MCF2L: variants seen among roughly 807,000 people sequenced by gnomAD.
MCF2L encodes guanine nucleotide exchange factor DBS.
In MCF2L, 97 loss-of-function variants were observed where a neutral mutation model predicts 153.4. That is an observed-to-expected ratio of 0.63 (90% confidence interval 0.54 to 0.75). The LOEUF is 0.75. MCF2L is among the 30% of genes least tolerant of loss of function. The pLI, the probability that MCF2L is intolerant of heterozygous loss-of-function variation, is 0.00. For synonymous variants in MCF2L, 659 were observed against 632.2 expected (o/e 1.04, Z -0.64); for missense variants, 1,347 against 1,495.2 (o/e 0.90, Z 1.64).
chr13:112,976,181 TGTGTGTGTGC>T (rs1429975199), intron 1 of MCF2L, among the ~76,000 whole-genome samples: 3 of 141,110 alleles, frequency 2.1e-5, no homozygotes, highest in Non-Finnish European at 4.7e-5. Flanking sequence ...TGTGTATGTG[TGTGTGTGTGC>T]GTGTGTGTGT....
At chr13:113,001,997 G>C in intron 1 of MCF2L, 1 of 1,562,718 alleles carries the variant, frequency 6.4e-7, no homozygotes, top group Non-Finnish European at 8.6e-7. Context: ...CGTGGGGCGC[G>C]GGCGGGTCCT....
chr13:112,977,831 T>C (rs1311087158), intron 1 of MCF2L, among the ~76,000 whole-genome samples: 1 of 152,222 alleles, frequency 6.6e-6, no homozygotes, highest in African/African-American at 2.4e-5. Context: ...TTCCTGGTTA[T>C]TCAAAGAGGC....
In MCF2L at chr13:113,066,163, G is replaced by A. The variant is rs143965865; in HGVS notation, c.874G>A (p.Val292Met). 7,787 of 1,609,716 alleles carry A rather than the reference G, an allele frequency of 4.8e-3. 40 individuals are homozygous for A. Among genetic ancestry groups the A allele is most frequent in the South Asian group, 0.011 (955 of 90,770 alleles). ...NQDQLDNQAT[V>M]QRLLAQLNET... The stretch of plus-strand genomic sequence containing the variant: ...GGACCAGCTTGACAACCAGGCCACC[G>A]TGCAGAGGTGAGGCCCGGCTGCCTT... The change falls in exon 8 of 30, where the codon GTG (valine) becomes ATG (methionine). Residue 292 changes from valine to methionine, a missense_variant. By Grantham distance (21) the Val-to-Met change is conservative. Coordinates refer to ENST00000535094, the MANE Select transcript of MCF2L (RefSeq NM_001112732.3).
intron 2 of MCF2L, among the ~76,000 whole-genome samples, chr13:113,019,351 G>A (rs935741030): frequency 1.3e-5 from 2 of 152,162 alleles, no homozygotes; most frequent in East Asian, 1.9e-4. Flanking sequence ...ACTCACCAAG[G>A]CCCGACGGCT....
intron 1 of MCF2L, among the ~76,000 whole-genome samples, chr13:113,005,293 C>A (rs918680138): frequency 1.3e-5 from 2 of 152,196 alleles, no homozygotes; most frequent in Non-Finnish European, 2.9e-5. Flanking sequence ...CGGCCCCACT[C>A]GTGTGGGGTG....
chr13:112,962,330 C>T (rs139941816), intron 2 of MCF2L, among the ~76,000 whole-genome samples: 1 of 152,348 alleles, frequency 6.6e-6, no homozygotes, highest in African/African-American at 2.4e-5. Context: ...CACATACACA[C>T]CTGCACACAC....
intron 2 of MCF2L, chr13:112,909,500 G>A (rs538530856): frequency 4.1e-5 from 22 of 538,300 alleles, no homozygotes; most frequent in Middle Eastern, 4.8e-4. Context: ...CTACACTAGC[G>A]CAGAGGGTGC....
intron 2 of MCF2L, among the ~76,000 whole-genome samples, chr13:112,915,086 T>C (rs1365356259): frequency 1.3e-5 from 2 of 152,104 alleles, no homozygotes; most frequent in African/African-American, 2.4e-5. Context: ...TTTGCTTTTC[T>C]GACCTGGGGA....
chr13:113,062,770 C>G (rs1010667705), intron 5 of MCF2L, among the ~76,000 whole-genome samples: 1 of 152,210 alleles, frequency 6.6e-6, no homozygotes, highest in African/African-American at 2.4e-5. Context: ...GCTGCCGTGA[C>G]TGACTGTCCA....
intron 2 of MCF2L, among the ~76,000 whole-genome samples, chr13:113,020,596 T>C (rs977225883): frequency 4.6e-5 from 7 of 152,242 alleles, no homozygotes; most frequent in African/African-American, 1.7e-4. Context: ...GCCTTCTCGC[T>C]GTCCTCATGT....
At chr13:113,087,546 C>A in intron 22 of MCF2L, 90 bp downstream of exon 22, 1 of 1,172,902 alleles carries the variant, frequency 8.5e-7, no homozygotes, top group Non-Finnish European at 1.2e-6. Flanking sequence ...GCCACGCTGA[C>A]ACCCAGCTCT....
intron 1 of MCF2L, among the ~76,000 whole-genome samples, chr13:113,012,532 A>G (rs1251968913): frequency 9.3e-6 from 1 of 107,816 alleles, no homozygotes; most frequent in African/African-American, 3.3e-5. Flanking sequence ...TGCAATGAGG[A>G]CGGTGGACAC....
At chr13:112,964,810 C>T (rs923536919), upstream of MCF2L, 5 of 152,224 alleles carry the variant, frequency 3.3e-5, no homozygotes, top group Admixed American at 2.0e-4. Context: ...AAAAAGGCAT[C>T]AGAAGGATAA....
chr13:112,962,903 A>C (rs992527780), intron 2 of MCF2L, among the ~76,000 whole-genome samples: 1 of 152,234 alleles, frequency 6.6e-6, no homozygotes, highest in African/African-American at 2.4e-5. Context: ...TGGCTCTTCC[A>C]GGAAGAATCC....
intron 7 of MCF2L, among the ~76,000 whole-genome samples, chr13:113,065,507 G>C (rs1324899779): frequency 6.6e-6 from 1 of 152,246 alleles, no homozygotes; most frequent in East Asian, 1.9e-4. Context: ...ATGCCGAGCA[G>C]GCGATGAAGT....
At chr13:112,997,956 TGCCCGCAGCAGCA>T in intron 1 of MCF2L, among the ~76,000 whole-genome samples, 2 of 152,354 alleles carry the variant, frequency 1.3e-5, no homozygotes, top group Middle Eastern at 6.8e-3. Flanking sequence ...GTGCTGGGCC[TGCCCGCAGCAGCA>T]GCTGTATGAA....
At chr13:112,896,281 G>T (rs986340015) in intron 1 of MCF2L, among the ~76,000 whole-genome samples, 1 of 151,418 alleles carries the variant, frequency 6.6e-6, no homozygotes, top group Admixed American at 6.6e-5. Flanking sequence ...GCCCCCCCGA[G>T]GCCTCCTCCT....
Position 113,087,698 on chromosome 13 carries a change from T to C in MCF2L, c.2596-9T>C. 2.5e-6 allele frequency: 4 copies of C among 1,611,890 alleles called. No homozygotes were observed. The highest frequency in any genetic ancestry group is 1.7e-6 in the Non-Finnish European group (2 of 1,178,116). On this transcript the variant is annotated splice_polypyrimidine_tract_variant and intron_variant, in intron 22 of 29. Transcript: ENST00000535094. ...GCACGCGAACCCCATCTCCACTCTC[T>C]GCTCGCAGATGGCTGCCGTTGGCAT... is the stretch of plus-strand genomic sequence containing the variant.
At position 113,088,424 on chromosome 13, in the gene MCF2L, G is replaced by T. The variant is rs569795196; in HGVS notation, c.2767+19G>T. The T allele has an allele frequency of 3.1e-6, 5 of 1,613,482 alleles. No individual in the cohort carries two copies. The South Asian group carries it at 4.4e-5, about 14-fold the overall frequency. Reference sequence around the variant, plus strand: ...TGTAGAGGTGAGGCTGTCTTCAAGCGATCGTTTCCCGTAGCTTCCGCTCCA... The same window carrying T: ...TGTAGAGGTGAGGCTGTCTTCAAGCTATCGTTTCCCGTAGCTTCCGCTCCA... On this transcript the variant is annotated intron_variant, in intron 24 of 29. Transcript: ENST00000535094.
Sources: allele counts gnomAD v4.1 joint callset (sites outside exome capture counted in the v4.1 genomes callset), GRCh38; gene constraint gnomAD v4.1.1; transcripts MANE v1.5; gene names NCBI Gene and HGNC (gene_info 2026-07-23, HGNC 2026-07-21).